UBE3D: variants seen among roughly 807,000 people sequenced by gnomAD.
UBE3D encodes the protein E3 ubiquitin-protein ligase E3D.
Under a neutral mutation model 49.6 loss-of-function variants are expected in UBE3D, and 48 were observed. The ratio of observed to expected loss-of-function variants is 0.97; its 90% CI spans 0.77 to 1.23. The LOEUF (loss-of-function observed/expected upper bound fraction) is 1.23. UBE3D is among the 50% of genes most tolerant of loss of function. UBE3D has a pLI of 0.00. For synonymous variants in UBE3D, 189 were observed against 174.2 expected (o/e 1.08, Z -0.67); for missense variants, 452 against 468.4 (o/e 0.96, Z 0.32).
chr6:82,970,479 A>G lies in UBE3D; in HGVS notation c.1011-13029T>C, dbSNP rs572124593. The stretch of plus-strand genomic sequence containing the variant: ...AAAGGACAGAAATTCATTTTTAAAA[A>G]GGTTTTTAAGTAGTGATTTTTAAAC... On this transcript the variant is annotated intron_variant, in intron 8 of 9. Coordinates refer to ENST00000369747, the MANE Select transcript of UBE3D (RefSeq NM_198920.3). 2.0e-5 allele frequency among the ~76,000 whole-genome samples: 3 copies of G among 152,298 alleles called. No individual in the cohort carries two copies. The South Asian group carries it at 6.2e-4, about 32-fold the overall frequency.
intron 5 of UBE3D, among the ~76,000 whole-genome samples, chr6:83,035,313 G>A (rs1278357681): frequency 6.6e-6 from 1 of 151,958 alleles, no homozygotes; most frequent in Non-Finnish European, 1.5e-5. Context: ...TGTACACCTT[G>A]TTACCCAATT....
At chr6:82,944,155 C>T (rs1775230265) in intron 9 of UBE3D, among the ~76,000 whole-genome samples, 1 of 152,164 alleles carries the variant, frequency 6.6e-6, no homozygotes, top group Non-Finnish European at 1.5e-5. Flanking sequence ...AGTGCTTGTG[C>T]CACCCCTCCC....
chr6:82,999,165 G>A (rs539066949), intron 8 of UBE3D, among the ~76,000 whole-genome samples: 1 of 152,134 alleles, frequency 6.6e-6, no homozygotes, highest in Non-Finnish European at 1.5e-5. Context: ...CAGAGGACAA[G>A]TATTTCATCT....
chr6:82,885,883 T>C, the UBE3D span, among the ~76,000 whole-genome samples: 1 of 152,204 alleles, frequency 6.6e-6, no homozygotes, highest in African/African-American at 2.4e-5. Context: ...TCTTCCCATC[T>C]TTCCAAATCT....
Position 82,988,731 on chromosome 6 carries a change from T to C in UBE3D, c.1010+30242A>G, listed in dbSNP as rs1778692295. ...TGCCATTTCCTTTCTTTAGTTTTTC[T>C]AAACTTTCTCAAACTTTTTCTAAAG... On this transcript the variant is annotated intron_variant, in intron 8 of 9. Transcript: ENST00000369747. 5.3e-5 allele frequency among the ~76,000 whole-genome samples: 8 copies of C among 152,286 alleles called. No individual in the cohort carries two copies. In the South Asian group the frequency reaches 1.7e-3, roughly 32 times the overall value.
chr6:82,927,181 G>A (rs2127741021), intron 9 of UBE3D, among the ~76,000 whole-genome samples: 1 of 150,816 alleles, frequency 6.6e-6, no homozygotes, highest in Middle Eastern at 3.4e-3. Context: ...TCCATTTCTG[G>A]GCTTTCTATT....
At chr6:83,058,367 CAAT>C (rs1362035618) in intron 1 of UBE3D, among the ~76,000 whole-genome samples, 2 of 152,056 alleles carry the variant, frequency 1.3e-5, no homozygotes, top group Admixed American at 6.5e-5. Flanking sequence ...TTCAGTGAAA[CAAT>C]GATACAAGAC....
intron 3 of UBE3D, among the ~76,000 whole-genome samples, chr6:83,046,677 G>GGC (rs921621231): frequency 2.2e-5 from 3 of 136,158 alleles, no homozygotes; most frequent in East Asian, 4.6e-4. Flanking sequence ...GTTGGCGGGG[G>GGC]GGGTGGGCGG....
At chr6:83,031,011 T>C (rs1423784836) in intron 5 of UBE3D, among the ~76,000 whole-genome samples, 1 of 152,122 alleles carries the variant, frequency 6.6e-6, no homozygotes, top group East Asian at 1.9e-4. Context: ...GGAAGAAATT[T>C]CTTCCTTTTT....
intron 9 of UBE3D, among the ~76,000 whole-genome samples, chr6:82,934,415 T>C (rs1243064931): frequency 6.6e-6 from 1 of 152,214 alleles, no homozygotes; most frequent in Non-Finnish European, 1.5e-5. Context: ...GGGCTGGACT[T>C]AGACTGCATG....
At position 82,949,418 on chromosome 6, in the gene UBE3D, A is replaced by C. The variant is rs191418806; in HGVS notation, c.1149+7894T>G. Among the ~76,000 whole-genome samples the C allele has an allele frequency of 2.1e-3, 319 of 152,254 alleles. 2 individuals carry two copies. The highest frequency in any genetic ancestry group is 7.1e-3 in the African/African-American group (294 of 41,574). On this transcript the variant is annotated intron_variant, in intron 9 of 9. Transcript: ENST00000369747. ...TCATGTTCATGGACTGGAAGAATCA[A>C]TATTGTTAAAATGTCCACAATACTC...
intron 8 of UBE3D, among the ~76,000 whole-genome samples, chr6:82,962,469 A>C (rs1334478939): frequency 6.6e-6 from 1 of 152,214 alleles, no homozygotes; most frequent in East Asian, 1.9e-4. Context: ...CCAATGTATC[A>C]AACTATCAAA....
chr6:83,018,145 C>T (rs1249284861), intron 8 of UBE3D: 1 of 152,046 alleles, frequency 6.6e-6, no homozygotes, highest in African/African-American at 2.4e-5. Flanking sequence ...TATTTACTTT[C>T]CAGAAAAAGA....
chr6:83,042,896 AAT>A (rs1782771355), intron 4 of UBE3D, among the ~76,000 whole-genome samples: 2 of 152,130 alleles, frequency 1.3e-5, no homozygotes, highest in African/African-American at 2.4e-5. Context: ...AGTCCCTCCA[AAT>A]TTATGTTTCT....
chr6:82,883,109 C>T, the UBE3D span, among the ~76,000 whole-genome samples: 4 of 152,180 alleles, frequency 2.6e-5, no homozygotes, highest in Non-Finnish European at 5.9e-5. Flanking sequence ...GAAGGTTCAT[C>T]TGCATTTTAC....
chr6:82,952,304 T>C lies in UBE3D; in HGVS notation c.1149+5008A>G, dbSNP rs796661371. ...AATGTAAACAATAATATACCTTCCT[T>C]ATGGAGGTATCATGAAAATGAAATG... is the stretch of plus-strand genomic sequence containing the variant. On this transcript the variant is annotated intron_variant, in intron 9 of 9. Coordinates refer to ENST00000369747, the MANE Select transcript of UBE3D (RefSeq NM_198920.3). 3.9e-5 allele frequency among the ~76,000 whole-genome samples: 6 copies of C among 152,162 alleles called. No individual in the cohort carries two copies. The South Asian group carries it at 1.2e-3, about 32-fold the overall frequency.
intron 3 of UBE3D, among the ~76,000 whole-genome samples, chr6:83,052,478 C>G (rs1262512678): frequency 2.6e-5 from 4 of 152,142 alleles, no homozygotes; most frequent in Admixed American, 2.0e-4. Context: ...CAGCTGAATT[C>G]TGAAGTTCAG....
rs200020123 is a variant in UBE3D at position 83,065,673 on chromosome 6, C to T, written c.46G>A (p.Gly16Arg). Residue 16 changes from glycine (G) to arginine (R), a missense_variant, in exon 1 of 10, where the codon GGA becomes AGA. Coordinates refer to ENST00000369747, the MANE Select transcript of UBE3D (RefSeq NM_198920.3). Reference sequence around the variant, plus strand: ...ATCAGAAGCGCGCTCTGCAGCTGTCCCCGCACCTCCAGAAACACGCGCGTC... The same window carrying T: ...ATCAGAAGCGCGCTCTGCAGCTGTCTCCGCACCTCCAGAAACACGCGCGTC... The part of the protein sequence containing the change: ...AETRVFLEVR[G>R]QLQSALLILG... 3.7e-5 allele frequency: 60 copies of T among 1,613,646 alleles called. No homozygotes were observed. The highest frequency in any genetic ancestry group is 4.8e-5 in the Non-Finnish European group (57 of 1,179,842).
intron 4 of UBE3D, among the ~76,000 whole-genome samples, chr6:83,040,403 C>CTA (rs1179798128): frequency 1.6e-3 from 131 of 83,624 alleles, no homozygotes; most frequent in Non-Finnish European, 2.0e-3. Flanking sequence ...CTCTCTCTCT[C>CTA]TATATATATA....
Sources: gnomAD v4.1 joint callset for allele counts (sites outside exome capture counted in the v4.1 genomes callset) on GRCh38, gnomAD v4.1.1 for gene constraint, MANE v1.5 for transcripts, NCBI Gene and HGNC (gene_info 2026-07-23, HGNC 2026-07-21) for gene names.